ZMYND8: variants seen among roughly 807,000 people sequenced by gnomAD.
The protein encoded by ZMYND8 is zinc finger MYND-type containing 8, also known as MYND-type zinc finger-containing chromatin reader ZMYND8.
A neutral mutation model predicts 140.8 loss-of-function variants in ZMYND8; 37 were observed. That is an observed-to-expected ratio of 0.26 (90% CI 0.20 to 0.35). The LOEUF (loss-of-function observed/expected upper bound fraction) is 0.35, where lower values mean the gene tolerates loss of function less well. Among genes scored for constraint, ZMYND8 ranks in the 10% least tolerant of loss-of-function variants. The pLI, the probability that ZMYND8 is intolerant of heterozygous loss-of-function variation, is 1.00. For missense variants in ZMYND8, 1,068 were observed against 1,570.0 expected (o/e 0.68, Z 5.40); for synonymous variants, 592 against 597.1 (o/e 0.99, Z 0.12).
intron 21 of ZMYND8, among the ~76,000 whole-genome samples, chr20:47,219,055 A>AT (rs3092175): frequency 0.2 from 22,679 of 110,830 alleles, 3,305 homozygotes; most frequent in African/African-American, 0.36. Flanking sequence ...CGTTTCTACA[A>AT]TTTTTTTTTT....
intron 2 of ZMYND8, among the ~76,000 whole-genome samples, chr20:47,336,980 C>A (rs575129554): frequency 1.0e-4 from 15 of 149,202 alleles, no homozygotes; most frequent in African/African-American, 3.7e-4. Context: ...CCTTGGAATA[C>A]AGGTCATGGT....
intron 1 of ZMYND8, chr20:47,353,455 A>G (rs547613289): frequency 6.6e-6 from 1 of 152,344 alleles, no homozygotes; most frequent in African/African-American, 2.4e-5. Context: ...GCAATTAGAA[A>G]AACTCTGTAG....
Position 47,221,453 on chromosome 20 carries a change from G to A in ZMYND8, c.3278C>T (p.Ala1093Val), listed in dbSNP as rs763073571. The change falls in exon 20 of 23, where the codon GCG (alanine) becomes GTG (valine). Residue 1093 changes from alanine (A) to valine (V), a missense_variant. Physicochemically the swap from Ala to Val is moderately conservative, Grantham distance 64. Coordinates refer to ENST00000471951, the MANE Select transcript of ZMYND8 (RefSeq NM_001281775.3). ...TQSATAPQQE[A>V]DAEVNTETLN... is the part of the protein sequence containing the mutation. ...TGTTTCTGTGTTCACCTCAGCATCC[G>A]CTTCCTGCTGAGGAGCAGTAGCTGG... 18 of 1,613,804 alleles carry A rather than the reference G, an allele frequency of 1.1e-5. No homozygotes were observed. In the African/African-American group the frequency reaches 1.3e-4, roughly 12 times the overall value.
intron 11 of ZMYND8, among the ~76,000 whole-genome samples, chr20:47,272,170 C>T (rs1414986638): frequency 2.6e-5 from 4 of 151,858 alleles, no homozygotes; most frequent in African/African-American, 7.3e-5. Context: ...CTCTGCCTCC[C>T]GGATTCAAGC....
At chr20:47,236,081 C>A (rs2039195462) in intron 16 of ZMYND8, among the ~76,000 whole-genome samples, 1 of 152,202 alleles carries the variant, frequency 6.6e-6, no homozygotes, top group Non-Finnish European at 1.5e-5. Context: ...CTGATTATGT[C>A]ATTTGCACTT....
chr20:47,323,133 C>G (rs938186441), intron 2 of ZMYND8, among the ~76,000 whole-genome samples: 2 of 152,204 alleles, frequency 1.3e-5, no homozygotes, highest in African/African-American at 4.8e-5. Context: ...TGAAAGGCAT[C>G]TGGCACATCA....
At chr20:47,327,635 G>A (rs979511359) in intron 2 of ZMYND8, among the ~76,000 whole-genome samples, 7 of 151,920 alleles carry the variant, frequency 4.6e-5, no homozygotes, top group Admixed American at 6.6e-5. Flanking sequence ...CAGCCTGCGC[G>A]GCAGAGTAAG....
At chr20:47,341,050 A>G (rs1356407590) in intron 2 of ZMYND8, among the ~76,000 whole-genome samples, 3 of 152,230 alleles carry the variant, frequency 2.0e-5, no homozygotes, top group Non-Finnish European at 4.4e-5. Context: ...GGTGGACAGT[A>G]GAAGCCAGCC....
At chr20:47,237,411 G>C (rs940135918) in intron 15 of ZMYND8, 2 of 151,722 alleles carry the variant, frequency 1.3e-5, no homozygotes, top group African/African-American at 4.9e-5. Flanking sequence ...GCCTGCCTTG[G>C]CCTCCCAAAG....
At chr20:47,325,616 C>A (rs2080344434) in intron 2 of ZMYND8, among the ~76,000 whole-genome samples, 1 of 152,116 alleles carries the variant, frequency 6.6e-6, no homozygotes, top group Non-Finnish European at 1.5e-5. Flanking sequence ...CATTCTCTTG[C>A]CTAAAGAACC....
At chr20:47,347,354 A>C (rs1313786838) in intron 2 of ZMYND8, among the ~76,000 whole-genome samples, 2 of 152,174 alleles carry the variant, frequency 1.3e-5, no homozygotes, top group Non-Finnish European at 2.9e-5. Context: ...GTTTGTCCTA[A>C]TTTGCTAAAT....
intron 2 of ZMYND8, among the ~76,000 whole-genome samples, chr20:47,326,498 T>C (rs1287686899): frequency 6.6e-6 from 1 of 152,168 alleles, no homozygotes; most frequent in Non-Finnish European, 1.5e-5. Flanking sequence ...GGAAAACATA[T>C]TCCCTTCTAG....
intron 2 of ZMYND8, among the ~76,000 whole-genome samples, chr20:47,346,385 C>G (rs867742872): frequency 6.6e-6 from 1 of 152,200 alleles, no homozygotes; most frequent in Non-Finnish European, 1.5e-5. Context: ...TTCCTGCCAC[C>G]CAGCACAGGC....
chr20:47,316,669 C>T (rs925666520), intron 2 of ZMYND8, among the ~76,000 whole-genome samples: 9 of 151,766 alleles, frequency 5.9e-5, no homozygotes, highest in African/African-American at 1.5e-4. Flanking sequence ...GTGGTGTGCG[C>T]CTGTAATCCC....
At chr20:47,231,676 G>A (rs2038504483) in intron 16 of ZMYND8, among the ~76,000 whole-genome samples, 1 of 152,218 alleles carries the variant, frequency 6.6e-6, no homozygotes, top group Non-Finnish European at 1.5e-5. Flanking sequence ...TTGCTGCGGA[G>A]CCCACACCAG....
intron 5 of ZMYND8, among the ~76,000 whole-genome samples, chr20:47,294,287 G>A (rs2077496572): frequency 6.6e-6 from 1 of 152,052 alleles, no homozygotes; most frequent in Admixed American, 6.6e-5. Flanking sequence ...GGGAGGCAGA[G>A]GTTGCAGTGA....
intron 11 of ZMYND8, among the ~76,000 whole-genome samples, chr20:47,266,085 C>A (rs1341428669): frequency 1.3e-5 from 2 of 152,122 alleles, no homozygotes; most frequent in Non-Finnish European, 2.9e-5. Context: ...ACAAGCCTCA[C>A]GCTGCAAAAC....
At chr20:47,269,899 T>A (rs1391631462) in intron 11 of ZMYND8, among the ~76,000 whole-genome samples, 3 of 152,184 alleles carry the variant, frequency 2.0e-5, no homozygotes, top group Non-Finnish European at 4.4e-5. Flanking sequence ...GATGTGTTGG[T>A]AAAAATGCTG....
At chr20:47,236,206 A>G (rs1319473296) in intron 16 of ZMYND8, 120 bp downstream of exon 16, 3 of 1,177,182 alleles carry the variant, frequency 2.5e-6, no homozygotes, top group African/African-American at 3.1e-5. Flanking sequence ...TTTAAAAAAA[A>G]GGGTCTTCAC....
Sources: gnomAD v4.1 joint callset for allele counts (sites outside exome capture counted in the v4.1 genomes callset) on GRCh38, gnomAD v4.1.1 for gene constraint, MANE v1.5 for transcripts, NCBI Gene and HGNC (gene_info 2026-07-23, HGNC 2026-07-21) for gene names.